The following ATRNL1 variants were observed in gnomAD, a reference collection of about 807,000 sequenced individuals.
ATRNL1 encodes the protein attractin-like protein 1.
Under a neutral mutation model 182.7 loss-of-function variants are expected in ATRNL1, and 95 were observed. That is an observed-to-expected ratio of 0.52 (90% confidence interval 0.44 to 0.62). ATRNL1 has a LOEUF of 0.62. ATRNL1 is among the 20% of genes least tolerant of loss of function. The probability of loss-of-function intolerance (pLI) is 0.00; values close to 1 mark genes in which losing one functional copy is unlikely to be tolerated. For synonymous variants in ATRNL1, 576 were observed against 568.3 expected, an observed-to-expected ratio of 1.01 and a Z score of -0.19; for missense variants, 1,471 against 1,679.5, an observed-to-expected ratio of 0.88 and a Z score of 2.17.
chr10:115,586,544 A>G (rs532157518), intron 26 of ATRNL1, among the ~76,000 whole-genome samples: 16 of 97,688 alleles, frequency 1.6e-4, no homozygotes, highest in African/African-American at 4.3e-4. Context: ...AGTTGTTCGC[A>G]TCGGCTCCTG....
chr10:115,502,275 T>G (rs1234139381), intron 24 of ATRNL1, among the ~76,000 whole-genome samples: 2 of 143,980 alleles, frequency 1.4e-5, no homozygotes, highest in Non-Finnish European at 2.9e-5. Context: ...CCAAATTATG[T>G]TTTTTTTGGA....
chr10:115,204,340 G>T (rs757831106), intron 8 of ATRNL1, among the ~76,000 whole-genome samples: 129 of 152,136 alleles, frequency 8.5e-4, no homozygotes, highest in Non-Finnish European at 1.6e-3. Flanking sequence ...AATAGAAGTG[G>T]TGGGAATGAG....
At chr10:115,154,547 A>G (rs931913893) in intron 5 of ATRNL1, among the ~76,000 whole-genome samples, 18 of 152,260 alleles carry the variant, frequency 1.2e-4, no homozygotes, top group Admixed American at 1.2e-3. Flanking sequence ...CTGTTTTATC[A>G]GAGAAAAAGA....
At chr10:115,227,110 A>G (rs1849731342) in intron 9 of ATRNL1, among the ~76,000 whole-genome samples, 1 of 152,178 alleles carries the variant, frequency 6.6e-6, no homozygotes, top group African/African-American at 2.4e-5. Context: ...TCACAGCAAA[A>G]GAAACCATTA....
At chr10:115,230,245 A>C (rs1849867745) in intron 9 of ATRNL1, among the ~76,000 whole-genome samples, 2 of 152,226 alleles carry the variant, frequency 1.3e-5, no homozygotes, top group African/African-American at 4.8e-5. Context: ...ATTTTAAATG[A>C]TAATAAGTGC....
At chr10:115,347,088 T>G (rs1856010707) in intron 19 of ATRNL1, among the ~76,000 whole-genome samples, 1 of 152,128 alleles carries the variant, frequency 6.6e-6, no homozygotes, top group African/African-American at 2.4e-5. Context: ...ATGTTCCCCT[T>G]TAAGGATAAT....
At chr10:115,911,953 G>A (rs1952691965) in intron 28 of ATRNL1, among the ~76,000 whole-genome samples, 1 of 152,132 alleles carries the variant, frequency 6.6e-6, no homozygotes, top group Non-Finnish European at 1.5e-5. Context: ...CCCCCGTATG[G>A]TGTGCTTCCT....
At chr10:115,814,740 G>T (rs113004280) in intron 27 of ATRNL1, among the ~76,000 whole-genome samples, 14 of 152,262 alleles carry the variant, frequency 9.2e-5, no homozygotes, top group African/African-American at 3.4e-4. Context: ...ATTTTATGCA[G>T]CCTATCTTAC....
intron 19 of ATRNL1, among the ~76,000 whole-genome samples, chr10:115,365,797 G>C (rs1374977665): frequency 6.6e-6 from 1 of 152,112 alleles, no homozygotes; most frequent in Non-Finnish European, 1.5e-5. Context: ...TCATTCAGGA[G>C]CAGGTTGTTC....
chr10:115,165,087 A>T (rs1554884053), intron 6 of ATRNL1, among the ~76,000 whole-genome samples: 4 of 152,056 alleles, frequency 2.6e-5, no homozygotes, highest in Non-Finnish European at 5.9e-5. Flanking sequence ...TGTGTATACC[A>T]TATATGTACA....
intron 21 of ATRNL1, among the ~76,000 whole-genome samples, chr10:115,431,831 G>T (rs111930136): frequency 6.6e-6 from 1 of 151,500 alleles, no homozygotes; most frequent in African/African-American, 2.4e-5. Context: ...TATTTTATAG[G>T]GATTTTTTTC....
At chr10:115,098,291 C>T (rs2085066032) in intron 1 of ATRNL1, among the ~76,000 whole-genome samples, 1 of 151,940 alleles carries the variant, frequency 6.6e-6, no homozygotes, top group Non-Finnish European at 1.5e-5. Flanking sequence ...AGACTCAGGC[C>T]TCCTTTCCTC....
chr10:115,737,363 G>C (rs1947986089), intron 27 of ATRNL1, among the ~76,000 whole-genome samples: 1 of 151,420 alleles, frequency 6.6e-6, no homozygotes, highest in African/African-American at 2.4e-5. Flanking sequence ...ATGAGCCCGG[G>C]AGTTCGAGGC....
intron 17 of ATRNL1, among the ~76,000 whole-genome samples, chr10:115,309,631 G>T (rs1853914394): frequency 6.6e-6 from 1 of 152,030 alleles, no homozygotes; most frequent in African/African-American, 2.4e-5. Context: ...TGTAACCTTA[G>T]ACTTTACTGA....
chr10:115,235,615 A>G (rs1459428835), intron 9 of ATRNL1, among the ~76,000 whole-genome samples: 1 of 152,110 alleles, frequency 6.6e-6, no homozygotes, highest in Non-Finnish European at 1.5e-5. Flanking sequence ...TCAATATACC[A>G]TATTTTAAAA....
rs527689930 is a variant in ATRNL1 at position 115,313,762 on chromosome 10, A to T, written c.2819-1756A>T. On this transcript the variant is annotated intron_variant, in intron 17 of 28. Transcript: ENST00000355044. Reference sequence around the variant, plus strand: ...ATAACAATATTAGAAAATTTGATTTATTCAGGGTGAGTCCCACTAAAGATT... The same window carrying T: ...ATAACAATATTAGAAAATTTGATTTTTTCAGGGTGAGTCCCACTAAAGATT... Among the ~76,000 whole-genome samples, 4 of 152,250 alleles carry T rather than the reference A, an allele frequency of 2.6e-5. No individual in the cohort carries two copies. In the South Asian group the frequency reaches 8.3e-4, roughly 32 times the overall value.
At chr10:115,846,725 G>T (rs1206336133) in intron 27 of ATRNL1, among the ~76,000 whole-genome samples, 3 of 152,002 alleles carry the variant, frequency 2.0e-5, no homozygotes, top group Non-Finnish European at 2.9e-5. Context: ...GTGTACTTGT[G>T]CATATGTTTA....
chr10:115,158,607 A>G (rs559683306), intron 5 of ATRNL1, among the ~76,000 whole-genome samples: 1 of 152,110 alleles, frequency 6.6e-6, no homozygotes, highest in African/African-American at 2.4e-5. Context: ...GAGCCATACA[A>G]TGTAAGCATT....
rs374408376 is a variant in ATRNL1, at chr10:115,526,717, T to C, written c.3716+7393T>C. Among the ~76,000 whole-genome samples the C allele has an allele frequency of 7.2e-5, 11 of 152,166 alleles. No homozygotes were observed. The East Asian group carries it at 1.8e-3, about 24-fold the overall frequency. ...GTCCTCTGAGACACAGAAGCCAAGA[T>C]GGGATTAGATAAGCAATAAACGTGT... is the stretch of plus-strand genomic sequence containing the variant. On this transcript the variant is annotated intron_variant, in intron 25 of 28. Coordinates refer to ENST00000355044, the MANE Select transcript of ATRNL1 (RefSeq NM_207303.4).
Sources: allele counts gnomAD v4.1 joint callset (sites outside exome capture counted in the v4.1 genomes callset), GRCh38; gene constraint gnomAD v4.1.1; transcripts MANE v1.5; gene names NCBI Gene and HGNC (gene_info 2026-07-23, HGNC 2026-07-21).